ADGRV1: variants seen among roughly 807,000 people sequenced by gnomAD.
The protein encoded by ADGRV1 is G-protein coupled receptor 98.
A neutral mutation model predicts 596.2 loss-of-function variants in ADGRV1; 359 were observed. The ratio of observed to expected loss-of-function variants is 0.60; its 90% confidence interval spans 0.55 to 0.66. ADGRV1 has a LOEUF of 0.66. Among genes scored for constraint, ADGRV1 ranks in the 30% least tolerant of loss-of-function variants. The pLI is 0.00. For missense variants in ADGRV1, 7,274 were observed against 7,575.6 expected, an observed-to-expected ratio of 0.96 and a Z score of 1.48; for synonymous variants, 2,681 against 2,679.2, an observed-to-expected ratio of 1.00 and a Z score of -0.02.
intron 60 of ADGRV1, among the ~76,000 whole-genome samples, chr5:90,775,308 A>G: frequency 6.6e-6 from 1 of 152,302 alleles, no homozygotes; most frequent in South Asian, 2.1e-4. Flanking sequence ...GATATTTTCC[A>G]TTAAGGGAAT....
At position 91,149,331 on chromosome 5, in the gene ADGRV1, A is replaced by G. The variant is rs1453812239; in HGVS notation, c.18433-699A>G. ...CCAGGTGGAAATAATTGGATCATGG[A>G]GGCAGTTTTCTCTGTGCTGTTCTCA... On this transcript the variant is annotated intron_variant, in intron 87 of 89. Coordinates refer to ENST00000405460, the MANE Select transcript of ADGRV1 (RefSeq NM_032119.4). 2.0e-5 allele frequency among the ~76,000 whole-genome samples: 3 copies of G among 152,316 alleles called. No individual in the cohort carries two copies. The East Asian group carries it at 5.8e-4, about 29-fold the overall frequency.
intron 86 of ADGRV1, among the ~76,000 whole-genome samples, chr5:91,101,954 T>C (rs143563583): frequency 1.4e-3 from 212 of 152,334 alleles, no homozygotes; most frequent in Non-Finnish European, 1.4e-3. Flanking sequence ...TGGTACTTAC[T>C]GAACAGTCCA....
At chr5:90,614,679 A>G (rs1253122383) in intron 1 of ADGRV1, 156 bp from the exon 2 acceptor site, 2 of 696,776 alleles carry the variant, frequency 2.9e-6, no homozygotes, top group Admixed American at 4.1e-5. Flanking sequence ...TTCTGTCGTC[A>G]CATATTTGAG....
At chr5:90,699,370 C>G (rs1189922932) in intron 34 of ADGRV1, among the ~76,000 whole-genome samples, 2 of 151,974 alleles carry the variant, frequency 1.3e-5, no homozygotes, top group African/African-American at 4.8e-5. Context: ...AGAGGAGAAG[C>G]ATTGGATAGA....
intron 85 of ADGRV1, among the ~76,000 whole-genome samples, chr5:91,065,871 G>T (rs1215282157): frequency 6.6e-6 from 1 of 152,176 alleles, no homozygotes; most frequent in Non-Finnish European, 1.5e-5. Flanking sequence ...TAGGGAAAAG[G>T]ATGAAGTCCT....
At chr5:90,922,508 G>C (rs532928544) in intron 83 of ADGRV1, among the ~76,000 whole-genome samples, 33 of 152,142 alleles carry the variant, frequency 2.2e-4, no homozygotes, top group Non-Finnish European at 4.1e-4. Flanking sequence ...TATTTTCATA[G>C]CTTTATGTCT....
At chr5:90,693,502 T>G (rs1328654221) in intron 32 of ADGRV1, among the ~76,000 whole-genome samples, 2 of 152,144 alleles carry the variant, frequency 1.3e-5, no homozygotes, top group African/African-American at 4.8e-5. Context: ...TCCACAGATG[T>G]AGAACCTGTG....
intron 42 of ADGRV1, among the ~76,000 whole-genome samples, chr5:90,713,747 A>T (rs2149729696): frequency 6.6e-6 from 1 of 152,304 alleles, no homozygotes; most frequent in South Asian, 2.1e-4. Flanking sequence ...GAGTATTCAA[A>T]TTCATGCATT....
At chr5:90,803,237 G>T (rs1376629403) in intron 71 of ADGRV1, among the ~76,000 whole-genome samples, 1 of 151,988 alleles carries the variant, frequency 6.6e-6, no homozygotes, top group East Asian at 1.9e-4. Context: ...TGGTTTACAG[G>T]GGCGAGTTTG....
intron 1 of ADGRV1, among the ~76,000 whole-genome samples, chr5:90,604,547 A>G (rs1761831918): frequency 6.6e-6 from 1 of 152,224 alleles, no homozygotes; most frequent in African/African-American, 2.4e-5. Flanking sequence ...TGACTTTTTA[A>G]GATCTATGTA....
intron 87 of ADGRV1, among the ~76,000 whole-genome samples, chr5:91,132,006 C>A (rs1794258038): frequency 6.6e-6 from 1 of 152,140 alleles, no homozygotes; most frequent in African/African-American, 2.4e-5. Context: ...TTTCATTCTC[C>A]TGGATATGGC....
At chr5:90,775,133 AC>A (rs1273801323) in intron 60 of ADGRV1, among the ~76,000 whole-genome samples, 1 of 152,184 alleles carries the variant, frequency 6.6e-6, no homozygotes, top group Admixed American at 6.5e-5. Flanking sequence ...TGGTTCAGAA[AC>A]TTTTAGCATG....
intron 21 of ADGRV1, among the ~76,000 whole-genome samples, chr5:90,669,473 T>TA (rs1236875201): frequency 2.6e-5 from 4 of 151,912 alleles, no homozygotes; most frequent in South Asian, 2.1e-4. Flanking sequence ...CGTTGACACT[T>TA]AAAAAAAATA....
intron 86 of ADGRV1, among the ~76,000 whole-genome samples, chr5:91,085,249 T>A (rs2126536008): frequency 6.6e-6 from 1 of 152,216 alleles, no homozygotes; most frequent in South Asian, 2.1e-4. Context: ...TATATATGTA[T>A]ACACACATAT....
At chr5:90,770,413 C>T (rs1320728653) in intron 59 of ADGRV1, among the ~76,000 whole-genome samples, 1 of 152,154 alleles carries the variant, frequency 6.6e-6, no homozygotes, top group Non-Finnish European at 1.5e-5. Context: ...CCTTAACACC[C>T]ACTTTGTGGT....
At chr5:90,724,743 G>T in intron 45 of ADGRV1, 89 bp from the exon 46 acceptor site, 2 of 1,167,726 alleles carry the variant, frequency 1.7e-6, no homozygotes, top group Non-Finnish European at 2.5e-6. Flanking sequence ...AGTCACAAAT[G>T]CACTTGTCTC....
At position 91,162,280 on chromosome 5, in the gene ADGRV1, T is replaced by TG. The variant is rs556092667; in HGVS notation, c.18803-1495dup. Among the ~76,000 whole-genome samples the TG allele has an allele frequency of 4.5e-3, 682 of 151,982 alleles. 2 individuals carry two copies. The highest frequency in any genetic ancestry group is 0.016 in the African/African-American group (654 of 41,454). On this transcript the variant is annotated intron_variant, in intron 89 of 89. Transcript: ENST00000405460. ...GAAAGATAGGAAGGACATAATCCAG[T>TG]GGGGGGGTCAGAAATTTTAAAAGAG...
At chr5:90,755,866 T>C (rs1755778178) in intron 55 of ADGRV1, among the ~76,000 whole-genome samples, 1 of 149,236 alleles carries the variant, frequency 6.7e-6, no homozygotes, top group African/African-American at 2.4e-5. Context: ...TATGATATTA[T>C]ATAATGTTAG....
intron 70 of ADGRV1, among the ~76,000 whole-genome samples, chr5:90,793,893 C>T (rs770644218): frequency 4.6e-5 from 7 of 152,194 alleles, no homozygotes; most frequent in Non-Finnish European, 7.3e-5. Flanking sequence ...CTCTCTGGCA[C>T]ATTCCAGGAT....
Sources: gnomAD v4.1 joint callset for allele counts (sites outside exome capture counted in the v4.1 genomes callset) on GRCh38, gnomAD v4.1.1 for gene constraint, MANE v1.5 for transcripts, NCBI Gene and HGNC (gene_info 2026-07-23, HGNC 2026-07-21) for gene names.